ANOS1: variants seen among roughly 807,000 people sequenced by gnomAD.
The protein encoded by ANOS1 is anosmin-1.
Under a neutral mutation model 59.0 loss-of-function variants are expected in ANOS1, and 6 were observed. The observed-to-expected ratio is 0.10, with a 90% CI of 0.06 to 0.20. The LOEUF (loss-of-function observed/expected upper bound fraction) is 0.20, where lower values mean the gene tolerates loss of function less well. Ranked by LOEUF, ANOS1 falls within the 10% of genes least tolerant of loss-of-function variation. ANOS1 has a pLI of 1.00. For synonymous variants in ANOS1, 217 were observed against 223.4 expected (o/e 0.97, Z 0.25); for missense variants, 433 against 542.3 (o/e 0.80, Z 2.00).
intron 2 of ANOS1, among the ~76,000 whole-genome samples, chrX:8,675,596 G>A (rs1185130022): frequency 9.0e-6 from 1 of 111,340 alleles, no homozygotes. Context: ...ACCATTTCAT[G>A]CGTCTCTAAA....
At chrX:8,612,595 C>A (rs1439922251) in intron 3 of ANOS1, among the ~76,000 whole-genome samples, 3 of 97,404 alleles carry the variant, frequency 3.1e-5, no homozygotes, top group African/African-American at 1.2e-4. Context: ...TGACAAAATT[C>A]TATTGGGATG....
At chrX:8,695,137 C>T (rs1456880327) in intron 2 of ANOS1, among the ~76,000 whole-genome samples, 1 of 111,210 alleles carries the variant, frequency 9.0e-6, no homozygotes, top group African/African-American at 3.3e-5. Flanking sequence ...CATGTCAAAA[C>T]CCCATCTCTA....
At chrX:8,547,728 GT>G (rs201146791) in intron 9 of ANOS1, among the ~76,000 whole-genome samples, 1 of 109,962 alleles carries the variant, frequency 9.1e-6, no homozygotes, top group South Asian at 3.8e-4. Context: ...ATTCAAAGGT[GT>G]TTTTTTTTGA....
intron 3 of ANOS1, among the ~76,000 whole-genome samples, chrX:8,613,581 A>G (rs1259227510): frequency 9.0e-6 from 1 of 110,883 alleles, no homozygotes; most frequent in Non-Finnish European, 1.9e-5. Context: ...CCCATAGACT[A>G]TCACTGCACA....
At chrX:8,555,855 T>C (rs1229420969) in intron 8 of ANOS1, among the ~76,000 whole-genome samples, 4 of 112,610 alleles carry the variant, frequency 3.6e-5, no homozygotes, top group Non-Finnish European at 7.5e-5. Context: ...GAGGTCAGCA[T>C]CATGCTGATA....
intron 4 of ANOS1, 34 bp from the exon 5 acceptor site, chrX:8,588,012 C>G (rs375940909): frequency 8.9e-7 from 1 of 1,118,893 alleles, no homozygotes; most frequent in Non-Finnish European, 1.2e-6. Context: ...AAACAATCTG[C>G]GTGTGACTCA....
chrX:8,654,472 A>G (rs1457027482), intron 2 of ANOS1, among the ~76,000 whole-genome samples: 1 of 112,621 alleles, frequency 8.9e-6, no homozygotes, highest in Non-Finnish European at 1.9e-5. Flanking sequence ...CACCATGGGA[A>G]CTAAAATAAA....
intron 2 of ANOS1, among the ~76,000 whole-genome samples, chrX:8,671,688 G>A (rs1405020827): frequency 9.3e-6 from 1 of 107,505 alleles, no homozygotes; most frequent in Non-Finnish European, 1.9e-5. Context: ...GTATACAATA[G>A]TATAGTATAT....
chrX:8,664,946 G>A lies in ANOS1; in HGVS notation c.255+34752C>T, dbSNP rs765866341. On this transcript the variant is annotated intron_variant, in intron 2 of 13. Coordinates refer to ENST00000262648, the MANE Select transcript of ANOS1 (RefSeq NM_000216.4). Reference sequence around the variant, plus strand: ...ATAAGCAGATGTTTTTATGCATATCGTCTCCCCCAGGGCTCTCTTGTGAAC... The same window carrying A: ...ATAAGCAGATGTTTTTATGCATATCATCTCCCCCAGGGCTCTCTTGTGAAC... 9.9e-5 allele frequency among the ~76,000 whole-genome samples: 11 copies of A among 111,609 alleles called. No individual in the cohort carries two copies. In the South Asian group the frequency reaches 1.1e-3, roughly 12 times the overall value.
At chrX:8,626,811 A>C (rs1931403358) in intron 2 of ANOS1, among the ~76,000 whole-genome samples, 1 of 105,073 alleles carries the variant, frequency 9.5e-6, no homozygotes, top group Admixed American at 1.0e-4. Context: ...CAGTGAGCCG[A>C]GATCACACCA....
intron 2 of ANOS1, among the ~76,000 whole-genome samples, chrX:8,684,513 C>T (rs1340403881): frequency 9.0e-6 from 1 of 111,025 alleles, no homozygotes; most frequent in Non-Finnish European, 1.9e-5. Context: ...TTCAGAATGC[C>T]AGCCTTAATA....
At chrX:8,567,606 C>T (rs1446090250) in intron 8 of ANOS1, among the ~76,000 whole-genome samples, 2 of 111,560 alleles carry the variant, frequency 1.8e-5, no homozygotes, top group Admixed American at 1.9e-4. Flanking sequence ...CCAGCCTGGC[C>T]AACATGGTGA....
intron 2 of ANOS1, among the ~76,000 whole-genome samples, chrX:8,631,553 TC>T (rs1931488707): frequency 8.9e-6 from 1 of 112,229 alleles, no homozygotes. Context: ...AGTTTTTTTT[TC>T]TTTAATCTGT....
intron 1 of ANOS1, among the ~76,000 whole-genome samples, chrX:8,721,870 G>A (rs1259641050): frequency 1.8e-5 from 2 of 112,342 alleles, no homozygotes; most frequent in African/African-American, 6.5e-5. Context: ...TGCTAGCTGG[G>A]AGGCTGATGC....
At chrX:8,692,627 C>CA (rs1932624679) in intron 2 of ANOS1, among the ~76,000 whole-genome samples, 1 of 111,336 alleles carries the variant, frequency 9.0e-6, no homozygotes, top group Non-Finnish European at 1.9e-5. Flanking sequence ...AGAAGACACT[C>CA]ATGTGAGGGC....
intron 1 of ANOS1, among the ~76,000 whole-genome samples, chrX:8,703,049 G>A (rs1932764504): frequency 8.9e-6 from 1 of 112,053 alleles, no homozygotes; most frequent in South Asian, 3.7e-4. Context: ...ATGAGATCAG[G>A]GGACCCTCAG....
chrX:8,630,952 A>C (rs1342519789), intron 2 of ANOS1, among the ~76,000 whole-genome samples: 2 of 112,709 alleles, frequency 1.8e-5, no homozygotes, highest in Admixed American at 9.4e-5. Flanking sequence ...GGAATATGGA[A>C]GTGCAATCTC....
At chrX:8,693,773 C>T (rs1009238771) in intron 2 of ANOS1, among the ~76,000 whole-genome samples, 5 of 90,013 alleles carry the variant, frequency 5.6e-5, no homozygotes, top group African/African-American at 1.7e-4. Context: ...GAGTCTCACT[C>T]TGTCGCCAGG....
chrX:8,565,880 G>A (rs1032256744), intron 8 of ANOS1: 2 of 344,852 alleles, frequency 5.8e-6, no homozygotes, highest in African/African-American at 5.7e-5. Context: ...CTGAATGCAG[G>A]ACTCTGGAGT....
Sources: allele counts gnomAD v4.1 joint callset (sites outside exome capture counted in the v4.1 genomes callset), GRCh38; gene constraint gnomAD v4.1.1; transcripts MANE v1.5; gene names NCBI Gene and HGNC (gene_info 2026-07-23, HGNC 2026-07-21).